The following IGFBP4 variants were observed in gnomAD, a reference collection of about 807,000 sequenced individuals.
The protein encoded by IGFBP4 is insulin like growth factor binding protein 4, also known as insulin-like growth factor-binding protein 4.
IGFBP4 carries 9 observed loss-of-function variants against 25.8 expected under a neutral mutation model. The observed-to-expected ratio is 0.35, with a 90% confidence interval of 0.21 to 0.61. The LOEUF is 0.61. IGFBP4 is among the 20% of genes least tolerant of loss of function. IGFBP4 has a pLI of 0.77. For missense variants in IGFBP4, 315 were observed against 365.3 expected, an observed-to-expected ratio of 0.86 and a Z score of 1.12; for synonymous variants, 153 against 153.9, an observed-to-expected ratio of 0.99 and a Z score of 0.05.
At chr17:40,455,432 T>A (rs1021980782) in intron 3 of IGFBP4, among the ~76,000 whole-genome samples, 3 of 152,064 alleles carry the variant, frequency 2.0e-5, no homozygotes, top group African/African-American at 7.2e-5. Flanking sequence ...GTGATCCTCC[T>A]ACCTCAGTCT....
At chr17:40,448,768 G>C (rs1218168823) in intron 1 of IGFBP4, among the ~76,000 whole-genome samples, 1 of 152,202 alleles carries the variant, frequency 6.6e-6, no homozygotes, top group Non-Finnish European at 1.5e-5. Flanking sequence ...GTTGGGCAAG[G>C]AAAAGTTACA....
chr17:40,456,539 G>A lies in IGFBP4; in HGVS notation c.733G>A (p.Gly245Arg), dbSNP rs768148577. The change falls in exon 4 of 4, where the codon GGG becomes AGG. Residue 245 changes from glycine to arginine, a missense_variant. By Grantham distance (125) the Gly-to-Arg change is moderately radical. Transcript: ENST00000269593. ...VKLPGGLEPKGELDCHQLADS... is the reference protein window; with the variant it reads ...VKLPGGLEPKRELDCHQLADS... ...GCTTCCGGGGGGCCTGGAGCCAAAG[G>A]GGGAGCTGGACTGCCACCAGCTGGC... 3 of 1,613,490 alleles carry A rather than the reference G, an allele frequency of 1.9e-6. No homozygotes were observed. The highest frequency in any genetic ancestry group is 2.5e-6 in the Non-Finnish European group (3 of 1,179,896).
rs1481338891 is a variant in IGFBP4, at chr17:40,443,997, A to G, written c.262A>G (p.Lys88Glu). ...CTGCTACCCGCCCCGAGGGGTGGAGAAGCCCCTGCACACACTGATGCACGG... is the reference window on the plus strand; with the variant it reads ...CTGCTACCCGCCCCGAGGGGTGGAGGAGCCCCTGCACACACTGATGCACGG... The part of the protein sequence containing the change: ...LRCYPPRGVE[K>E]PLHTLMHGQG... The change falls in exon 1 of 4, where the codon AAG (lysine) becomes GAG (glutamate). Residue 88 changes from lysine to glutamate, a missense_variant. Transcript: ENST00000269593. The G allele has an allele frequency of 6.5e-7, 1 of 1,530,690 alleles. No individual in the cohort carries two copies. The highest frequency in any genetic ancestry group is 8.7e-7 in the Non-Finnish European group (1 of 1,144,606). The allele number at this position is 1,530,690 out of a possible 1,614,324, so 94.8% of individuals were successfully genotyped here. A position where few individuals can be genotyped will look rare whatever the true frequency, so the allele number is the denominator to read the frequency against.
Position 40,456,431 on chromosome 17 carries a change from A to G in IGFBP4, c.643-18A>G, listed in dbSNP as rs761694646. ...TTTCCTGCGTCGGAACTGACCCCTC[A>G]TGTCCTTCTCTTGGCAGTGTCACCC... is the stretch of plus-strand genomic sequence containing the variant. On this transcript the variant is annotated intron_variant, in intron 3 of 3. Coordinates refer to ENST00000269593, the MANE Select transcript of IGFBP4 (RefSeq NM_001552.3). 6.2e-7 allele frequency: 1 copy of G among 1,613,936 alleles called. No homozygotes were observed. The highest frequency in any genetic ancestry group is 8.5e-7 in the Non-Finnish European group (1 of 1,179,918).
chr17:40,450,181 G>A (rs906932410), intron 1 of IGFBP4, among the ~76,000 whole-genome samples: 2 of 152,030 alleles, frequency 1.3e-5, no homozygotes, highest in African/African-American at 4.8e-5. Flanking sequence ...CTAATTTTTT[G>A]TAGAGATAGG....
At position 40,443,505 on chromosome 17, in the gene IGFBP4, A is replaced by G. The variant is rs1159864595; in HGVS notation, c.-231A>G. 1.9e-5 allele frequency: 3 copies of G among 157,116 alleles called. No individual in the cohort carries two copies. The highest frequency in any genetic ancestry group is 7.4e-5 in the African/African-American group (3 of 40,682). 9.7% of individuals were successfully genotyped at this position (157,116 alleles called of 1,614,324 possible). A position where few individuals can be genotyped will look rare whatever the true frequency, so the allele number is the denominator to read the frequency against. ...GCCGCCTGCCTGGGCCGGGCCGAGG[A>G]TGCGGCGCAGCGCCTCGGCGGCCAG... On this transcript the variant is annotated 5_prime_UTR_variant, in exon 1 of 4. The change abolishes an upstream ATG in the 5' untranslated region. Transcript: ENST00000269593.
chr17:40,452,879 C>A, intron 1 of IGFBP4, 106 bp from the exon 2 acceptor site: 1 of 962,960 alleles, frequency 1.0e-6, no homozygotes, highest in Non-Finnish European at 1.5e-6. Flanking sequence ...TCTCCAGCGC[C>A]AAGCCGAAGA....
intron 3 of IGFBP4, among the ~76,000 whole-genome samples, chr17:40,455,770 A>T (rs2035711159): frequency 6.6e-6 from 1 of 152,164 alleles, no homozygotes; most frequent in Non-Finnish European, 1.5e-5. Flanking sequence ...GGCTTGAGCC[A>T]CTAGCTTCTT....
Position 40,443,668 on chromosome 17 carries a change from TCGCCCGCG to T in IGFBP4, c.-58_-51del, listed in dbSNP as rs887630809. 1.8e-4 allele frequency: 165 copies of T among 900,976 alleles called. No individual in the cohort carries two copies. In the African/African-American group the frequency reaches 2.1e-3, roughly 11 times the overall value. 55.8% of individuals were successfully genotyped at this position (900,976 alleles called of 1,614,324 possible). The stretch of plus-strand genomic sequence containing the variant: ...GCTGCCGCCGTGTGCCCTCCGCCGC[TCGCCCGCG>T]CGCCCGCGCTCCCCGCCTGCGCCCA... On this transcript the variant is annotated 5_prime_UTR_variant, in exon 1 of 4. Coordinates refer to ENST00000269593, the MANE Select transcript of IGFBP4 (RefSeq NM_001552.3).
intron 3 of IGFBP4, among the ~76,000 whole-genome samples, chr17:40,455,173 A>C (rs561878894): frequency 1.1e-3 from 175 of 152,328 alleles, no homozygotes; most frequent in African/African-American, 4.1e-3. Flanking sequence ...GCAAGAGTAC[A>C]GGGTTTCAAT....
chr17:40,444,443 G>A (rs150382421), intron 1 of IGFBP4, among the ~76,000 whole-genome samples: 7 of 152,280 alleles, frequency 4.6e-5, no homozygotes, highest in African/African-American at 1.7e-4. Flanking sequence ...ATGGTGGTGG[G>A]GTGTGTGTTG....
At chr17:40,444,926 CAGAGACAGAGAGAGAGAGAGAGAG>C (rs1171281825) in intron 1 of IGFBP4, among the ~76,000 whole-genome samples, 2 of 62,780 alleles carry the variant, frequency 3.2e-5, no homozygotes, top group South Asian at 1.1e-3. Flanking sequence ...CACACACACA[CAGAGACAGAGAGAGAGAGAGAGAG>C]AGAGAGAGAG....
chr17:40,456,675 T>A lies in IGFBP4; in HGVS notation c.*92T>A. 7.5e-7 allele frequency: 1 copy of A among 1,324,680 alleles called. No homozygotes were observed. Among genetic ancestry groups the A allele is most frequent in the Non-Finnish European group, 1.0e-6 (1 of 960,658 alleles). The allele number at this position is 1,324,680 out of a possible 1,614,324, so 82.1% of individuals were successfully genotyped here. A position where few individuals can be genotyped will look rare whatever the true frequency, so the allele number is the denominator to read the frequency against. On this transcript the variant is annotated 3_prime_UTR_variant, in exon 4 of 4. Coordinates refer to ENST00000269593, the MANE Select transcript of IGFBP4 (RefSeq NM_001552.3). ...ACCCAGAGTGGAGTCTGAGTCTGAG[T>A]CCTGTCTCTGCCTGCGGCCCAGAAG...
At chr17:40,456,147 A>G (rs941560122) in intron 3 of IGFBP4, among the ~76,000 whole-genome samples, 6 of 152,132 alleles carry the variant, frequency 3.9e-5, no homozygotes, top group African/African-American at 1.4e-4. Context: ...CCCAATCAGA[A>G]TATGTACCCA....
chr17:40,444,088 A>G lies in IGFBP4; in HGVS notation c.349+4A>G. 6.5e-7 allele frequency: 1 copy of G among 1,532,756 alleles called. No homozygotes were observed. The highest frequency in any genetic ancestry group is 8.7e-7 in the Non-Finnish European group (1 of 1,144,082). The allele number at this position is 1,532,756 out of a possible 1,614,324, so 94.9% of individuals were successfully genotyped here. A position where few individuals can be genotyped will look rare whatever the true frequency, so the allele number is the denominator to read the frequency against. On this transcript the variant is annotated splice_donor_region_variant and intron_variant, in intron 1 of 3. Coordinates refer to ENST00000269593, the MANE Select transcript of IGFBP4 (RefSeq NM_001552.3). Reference sequence around the variant, plus strand: ...CAGGAAAGCCTGCAGCCCTCTGGTAAGGTACCCCTGGCCTCCCAATTCCCT... The same window carrying G: ...CAGGAAAGCCTGCAGCCCTCTGGTAGGGTACCCCTGGCCTCCCAATTCCCT...
In IGFBP4 at chr17:40,443,913, G is replaced by A; in HGVS notation, c.178G>A (p.Ala60Thr). ...EPGCGCCATCALGLGMPCGVY... is the reference protein window; with the variant it reads ...EPGCGCCATCTLGLGMPCGVY... ...GGGCTGCGGCTGTTGCGCCACTTGC[G>A]CCCTGGGCTTGGGGATGCCCTGCGG... The change falls in exon 1 of 4, where the codon GCC becomes ACC. Residue 60 changes from alanine to threonine, a missense_variant. Transcript: ENST00000269593. 1 of 1,530,768 alleles carries A rather than the reference G, an allele frequency of 6.5e-7. No homozygotes were observed. Among genetic ancestry groups the A allele is most frequent in the Non-Finnish European group, 8.7e-7 (1 of 1,144,044 alleles). 94.8% of individuals were successfully genotyped at this position (1,530,768 alleles called of 1,614,324 possible). A position where few individuals can be genotyped will look rare whatever the true frequency, so the allele number is the denominator to read the frequency against.
Position 40,456,706 on chromosome 17 carries a change from C to T in IGFBP4, c.*123C>T, listed in dbSNP as rs569866362. The T allele has an allele frequency of 4.2e-6, 4 of 950,186 alleles. No individual in the cohort carries two copies. The African/African-American group carries it at 4.9e-5, about 12-fold the overall frequency. The allele number at this position is 950,186 out of a possible 1,614,324, so 58.9% of individuals were successfully genotyped here. Reference sequence around the variant, plus strand: ...CTCTGCCTGCGGCCCAGAAGTTTCCCTCAAATGCGCGTGTGCACGTGTGCG... The same window carrying T: ...CTCTGCCTGCGGCCCAGAAGTTTCCTTCAAATGCGCGTGTGCACGTGTGCG... On this transcript the variant is annotated 3_prime_UTR_variant, in exon 4 of 4. Coordinates refer to ENST00000269593, the MANE Select transcript of IGFBP4 (RefSeq NM_001552.3).
At chr17:40,446,682 C>G (rs2035648062) in intron 1 of IGFBP4, among the ~76,000 whole-genome samples, 1 of 152,052 alleles carries the variant, frequency 6.6e-6, no homozygotes, top group South Asian at 2.1e-4. Context: ...GCTTTAGGTC[C>G]CCTTTGGATG....
At chr17:40,452,908 G>A (rs990286135) in intron 1 of IGFBP4, 77 bp from the exon 2 acceptor site, 27 of 1,205,990 alleles carry the variant, frequency 2.2e-5, no homozygotes, top group Non-Finnish European at 3.0e-5. Context: ...GAAGGAGAAC[G>A]TGGGTGGGAG....
Sources: allele counts gnomAD v4.1 joint callset (sites outside exome capture counted in the v4.1 genomes callset), GRCh38; gene constraint gnomAD v4.1.1; transcripts MANE v1.5; gene names NCBI Gene and HGNC (gene_info 2026-07-23, HGNC 2026-07-21).